The following CCDC122 variants were observed in gnomAD, a reference collection of about 807,000 sequenced individuals.
CCDC122 encodes the protein coiled-coil domain containing 122.
In CCDC122, 38 loss-of-function variants were observed where a neutral mutation model predicts 37.0. That is an observed-to-expected ratio of 1.03 (90% CI 0.79 to 1.35). The LOEUF (loss-of-function observed/expected upper bound fraction) is 1.35. Ranked by LOEUF, CCDC122 falls within the 40% of genes most tolerant of loss-of-function variation. CCDC122 has a pLI of 0.00. For synonymous variants in CCDC122, 83 were observed against 95.6 expected (o/e 0.87, Z 0.77); for missense variants, 305 against 310.0 (o/e 0.98, Z 0.12).
chr13:43,839,576 AAT>A (rs139146511), intron 6 of CCDC122, among the ~76,000 whole-genome samples: 1,942 of 152,252 alleles, frequency 0.013, 89 homozygotes, highest in East Asian at 0.083. Context: ...ATTTTGTGTG[AAT>A]ATATGTTTTC....
At chr13:43,823,687 C>T (rs375576276), downstream of CCDC122, among the ~76,000 whole-genome samples, 6 of 152,214 alleles carry the variant, frequency 3.9e-5, no homozygotes, top group Non-Finnish European at 7.3e-5. Flanking sequence ...CATGCGTGGG[C>T]GCTAGGTGAG....
At chr13:43,860,093 CATTATT>C in intron 4 of CCDC122, 23 bp from the exon 5 acceptor site, 5 of 1,255,184 alleles carry the variant, frequency 4.0e-6, no homozygotes, top group Non-Finnish European at 5.3e-6. Context: ...TTAACATTAT[CATTATT>C]AATTCAAAAT....
At chr13:43,835,168 G>C (rs1458957037), downstream of CCDC122, among the ~76,000 whole-genome samples, 3 of 152,168 alleles carry the variant, frequency 2.0e-5, no homozygotes, top group Non-Finnish European at 4.4e-5. Flanking sequence ...TAGGGACATG[G>C]ATGAAGCTGG....
At chr13:43,841,701 T>C (rs1953359003) in intron 6 of CCDC122, among the ~76,000 whole-genome samples, 1 of 152,140 alleles carries the variant, frequency 6.6e-6, no homozygotes, top group South Asian at 2.1e-4. Flanking sequence ...ATTCTGTCTT[T>C]TCATTTTCTT....
intron 2 of CCDC122, among the ~76,000 whole-genome samples, chr13:43,872,582 G>T (rs1221314171): frequency 6.6e-6 from 1 of 152,086 alleles, no homozygotes; most frequent in African/African-American, 2.4e-5. Flanking sequence ...AATCAGAGAA[G>T]ATGGTAAATT....
rs201257755 is a variant in CCDC122 at position 43,868,712 on chromosome 13, C to A, written c.138G>T (p.Lys46Asn). Residue 46 changes from lysine (K) to asparagine (N), a missense_variant, in exon 4 of 7, where the codon AAG (lysine) becomes AAT (asparagine). By Grantham distance (94) the Lys-to-Asn change is moderately conservative. Transcript: ENST00000444614. ...SQASEIEKNK[K>N]VLFNLKNELH... Reference sequence around the variant, plus strand: ...AAGTTACCTTCAAATTGAACAGAACCTTTTTGTTTTTTTCTATCTCTGATG... The same window carrying A: ...AAGTTACCTTCAAATTGAACAGAACATTTTTGTTTTTTTCTATCTCTGATG... 3 of 1,551,348 alleles carry A rather than the reference C, an allele frequency of 1.9e-6. No homozygotes were observed. The highest frequency in any genetic ancestry group is 2.6e-6 in the Non-Finnish European group (3 of 1,148,230).
chr13:43,860,599 C>T (rs9533660), intron 4 of CCDC122, among the ~76,000 whole-genome samples: 12,584 of 152,214 alleles, frequency 0.083, 601 homozygotes, highest in African/African-American at 0.1. Flanking sequence ...TAACTGCTGC[C>T]TTCTTTTTAA....
downstream of CCDC122, among the ~76,000 whole-genome samples, chr13:43,819,342 T>C (rs560951791): frequency 6.6e-6 from 1 of 152,312 alleles, no homozygotes; most frequent in African/African-American, 2.4e-5. Context: ...TCTAGGAGTC[T>C]ATTCCAAAGA....
At chr13:43,828,445 G>A (rs1953059392) in intron 3 of CCDC122, among the ~76,000 whole-genome samples, 2 of 152,066 alleles carry the variant, frequency 1.3e-5, no homozygotes, top group African/African-American at 4.8e-5. Context: ...TCCTTCCCCA[G>A]TTGGGATTAA....
chr13:43,870,445 A>C (rs1406284488), intron 2 of CCDC122, among the ~76,000 whole-genome samples: 1 of 152,152 alleles, frequency 6.6e-6, no homozygotes. Flanking sequence ...TCATGGTCAC[A>C]GACTTCATCC....
intron 2 of CCDC122, among the ~76,000 whole-genome samples, chr13:43,872,700 C>T (rs1348299973): frequency 1.3e-5 from 2 of 152,104 alleles, no homozygotes; most frequent in Admixed American, 1.3e-4. Context: ...TTTTGTACTC[C>T]TTTCTCACAG....
At chr13:43,843,301 CT>C (rs1953418170) in intron 6 of CCDC122, among the ~76,000 whole-genome samples, 1 of 151,998 alleles carries the variant, frequency 6.6e-6, no homozygotes, top group Non-Finnish European at 1.5e-5. Flanking sequence ...GTTTCTGAAA[CT>C]ATGAAGTTGG....
At position 43,859,915 on chromosome 13, in the gene CCDC122, A is replaced by G; in HGVS notation, c.312T>C (p.Asn104=). The change falls in exon 5 of 7, where the codon AAT becomes AAC. Residue 104 remains asparagine, a synonymous_variant. Transcript: ENST00000444614. ...TTTCTATGTCAAATTTAAGCTTTAC[A>G]TTTTCTGAATGTAAGGATTTGATTT... ...ETQIKSLHSE[N]VKLKFDIETA... is the part of the protein sequence containing the mutation. 1.2e-6 allele frequency: 2 copies of G among 1,610,194 alleles called. No individual in the cohort carries two copies. Among genetic ancestry groups the G allele is most frequent in the Non-Finnish European group, 1.7e-6 (2 of 1,178,284 alleles).
chr13:43,871,409 C>T (rs1307786766), intron 2 of CCDC122, among the ~76,000 whole-genome samples: 1 of 151,962 alleles, frequency 6.6e-6, no homozygotes, highest in Non-Finnish European at 1.5e-5. Context: ...TGGCGAGTCC[C>T]CATTTCTCTC....
chr13:43,868,007 G>A (rs914059988), intron 4 of CCDC122, among the ~76,000 whole-genome samples: 6 of 151,760 alleles, frequency 4.0e-5, no homozygotes, highest in African/African-American at 9.7e-5. Context: ...TTATGGGCAC[G>A]TCCTATTGTT....
At chr13:43,874,406 G>A (rs1954543165) in intron 2 of CCDC122, among the ~76,000 whole-genome samples, 1 of 151,856 alleles carries the variant, frequency 6.6e-6, no homozygotes, top group Non-Finnish European at 1.5e-5. Context: ...CCCCATTAGA[G>A]TGTAAGCACC....
At chr13:43,823,150 C>T (rs1313964675), downstream of CCDC122, among the ~76,000 whole-genome samples, 1 of 152,036 alleles carries the variant, frequency 6.6e-6, no homozygotes, top group African/African-American at 2.4e-5. Context: ...CCTTAGTCAG[C>T]AGGTGATGAA....
At chr13:43,837,571 T>TTTTAC in intron 6 of CCDC122, 142 bp from the exon 7 acceptor site, 2 of 695,438 alleles carry the variant, frequency 2.9e-6, no homozygotes, top group Non-Finnish European at 4.5e-6. Flanking sequence ...AAATAAACAG[T>TTTTAC]AATTGTAAAA....
At chr13:43,872,004 A>G (rs973810606) in intron 2 of CCDC122, among the ~76,000 whole-genome samples, 1 of 152,098 alleles carries the variant, frequency 6.6e-6, no homozygotes, top group Admixed American at 6.6e-5. Context: ...CCACAAAAAT[A>G]GTATATCTAA....
Sources: allele counts gnomAD v4.1 joint callset (sites outside exome capture counted in the v4.1 genomes callset), GRCh38; gene constraint gnomAD v4.1.1; transcripts MANE v1.5; gene names NCBI Gene and HGNC (gene_info 2026-07-23, HGNC 2026-07-21).